The following PDLIM2 variants were observed in gnomAD, a reference collection of about 807,000 sequenced individuals.
The protein encoded by PDLIM2 is PDZ and LIM domain protein 2.
In PDLIM2, 51 loss-of-function variants were observed where a neutral mutation model predicts 54.1. The ratio of observed to expected loss-of-function variants is 0.94; its 90% CI spans 0.75 to 1.19. PDLIM2 has a LOEUF of 1.19. Among genes scored for constraint, PDLIM2 ranks in the 50% most tolerant of loss-of-function variants. The pLI, the probability that PDLIM2 is intolerant of heterozygous loss-of-function variation, is 0.00. For synonymous variants in PDLIM2, 398 were observed against 385.6 expected, an observed-to-expected ratio of 1.03 and a Z score of -0.38; for missense variants, 912 against 874.0, an observed-to-expected ratio of 1.04 and a Z score of -0.55.
intron 8 of PDLIM2, chr8:22,591,207 C>T (rs1268123367): frequency 3.2e-6 from 1 of 312,520 alleles, no homozygotes. Flanking sequence ...GAAAGCCACA[C>T]CGAGGCATTG....
intron 1 of PDLIM2, chr8:22,580,581 C>A: frequency 6.2e-7 from 1 of 1,613,890 alleles, no homozygotes; most frequent in Non-Finnish European, 8.5e-7. Flanking sequence ...TGGACTTCAC[C>A]TCCTGGTCCT....
At chr8:22,579,173 T>C in exon 1 of PDLIM2, 2 of 1,362,196 alleles carry the variant, frequency 1.5e-6, no homozygotes, top group Admixed American at 3.3e-5. Flanking sequence ...TCTCCCCGCC[T>C]TCCCTCCCTC....
In PDLIM2 at chr8:22,584,896, C is replaced by G. The variant is rs772780201; in HGVS notation, c.1065+6C>G. The G allele has an allele frequency of 2.4e-5, 39 of 1,614,002 alleles. No homozygotes were observed. Among genetic ancestry groups the G allele is most frequent in the Non-Finnish European group, 3.3e-5 (39 of 1,179,998 alleles). On this transcript the variant is annotated splice_donor_region_variant and intron_variant, in intron 4 of 9. Transcript: ENST00000308354. ...TGCTGGCGACTCGCTTCCAGGTAAG[C>G]TGGTGCCCTCCCCTGACAGCCTCAG... is the stretch of plus-strand genomic sequence containing the variant.
In PDLIM2 at chr8:22,591,694, C is replaced by G. The variant is rs758321441; in HGVS notation, c.1631+26C>G. On this transcript the variant is annotated intron_variant, in intron 9 of 9. Coordinates refer to ENST00000308354, the Ensembl canonical transcript of PDLIM2. ...GTGAGTGTGGAGGGGGGTGGGGGAC[C>G]TGAGCCTTCACAGGGGAGTGGGGAG... The G allele has an allele frequency of 5.7e-6, 9 of 1,584,056 alleles. No homozygotes were observed. In the East Asian group the frequency reaches 1.6e-4, roughly 28 times the overall value.
At chr8:22,597,990 C>T (rs971500484), downstream of PDLIM2, 1 of 152,268 alleles carries the variant, frequency 6.6e-6, no homozygotes, top group African/African-American at 2.4e-5. Context: ...TGGCTGTGGG[C>T]CTCAGTTTCC....
intron 3 of PDLIM2, among the ~76,000 whole-genome samples, chr8:22,581,836 G>A (rs1800214191): frequency 6.6e-6 from 1 of 152,230 alleles, no homozygotes; most frequent in African/African-American, 2.4e-5. Flanking sequence ...GAGTGTGCAG[G>A]GCACAGGGCG....
intron 3 of PDLIM2, among the ~76,000 whole-genome samples, chr8:22,583,830 CA>C (rs1466947004): frequency 9.0e-6 from 1 of 111,412 alleles, no homozygotes; most frequent in Non-Finnish European, 1.7e-5. Context: ...TGAGTGATAT[CA>C]GTGACAAAGT....
At chr8:22,588,945 G>A in intron 6 of PDLIM2, 1 of 381,334 alleles carries the variant, frequency 2.6e-6, no homozygotes, top group Non-Finnish European at 4.7e-6. Context: ...GCCCCAGTGT[G>A]CAATGTCTTT....
rs1409527618 is a variant in PDLIM2, at chr8:22,591,936, C to T, written c.1631+268C>T. 8 of 347,460 alleles carry T rather than the reference C, an allele frequency of 2.3e-5. No individual in the cohort carries two copies. In the East Asian group the frequency reaches 3.1e-4, roughly 13 times the overall value. 21.5% of individuals were successfully genotyped at this position (347,460 alleles called of 1,614,324 possible). The stretch of plus-strand genomic sequence containing the variant: ...GATTTCTCTTTGATCATTTCAAAGC[C>T]TCTGGAGATCTGCCCGGAGGTACAG... On this transcript the variant is annotated intron_variant, in intron 9 of 9. Coordinates refer to ENST00000308354, the Ensembl canonical transcript of PDLIM2.
chr8:22,581,108 C>G (rs988214222), intron 2 of PDLIM2: 4 of 679,804 alleles, frequency 5.9e-6, no homozygotes, highest in South Asian at 1.5e-5. Flanking sequence ...GGCTCTCTAT[C>G]CAAAAGTATT....
exon 10 of PDLIM2, chr8:22,593,847 G>C (rs772697550): frequency 1.8e-5 from 29 of 1,579,174 alleles, no homozygotes; most frequent in Non-Finnish European, 2.5e-5. Context: ...GTGACGAGCT[G>C]TACTGTGAGA....
chr8:22,586,184 A>AG (rs1200857126), intron 6 of PDLIM2, among the ~76,000 whole-genome samples: 1 of 152,158 alleles, frequency 6.6e-6, no homozygotes, highest in Non-Finnish European at 1.5e-5. Context: ...GGGGGTGGCC[A>AG]GGGAGGGCAC....
chr8:22,594,902 G>GGA, downstream of PDLIM2: 5 of 413,268 alleles, frequency 1.2e-5, no homozygotes, highest in East Asian at 4.5e-5. Flanking sequence ...TTCCAGCCTG[G>GGA]GAGAGAGAGA....
chr8:22,591,488 C>A, intron 8 of PDLIM2, 63 bp from the exon 8 acceptor site: 10 of 1,447,220 alleles, frequency 6.9e-6, no homozygotes, highest in Non-Finnish European at 8.8e-6. Context: ...CTCCTCAGAG[C>A]ATCTTTGGGA....
chr8:22,587,291 C>T (rs531976273), intron 6 of PDLIM2, among the ~76,000 whole-genome samples: 3 of 152,080 alleles, frequency 2.0e-5, no homozygotes, highest in Admixed American at 6.5e-5. Context: ...CCAGCTACTC[C>T]GGAGGCTGGG....
exon 5 of PDLIM2, chr8:22,585,073 C>T (rs1800334950): frequency 6.2e-7 from 1 of 1,614,048 alleles, no homozygotes; most frequent in South Asian, 1.1e-5. Context: ...CCTACTCCAG[C>T]CCAACCTCCC....
downstream of PDLIM2, chr8:22,594,533 G>A (rs755565429): frequency 1.2e-6 from 2 of 1,613,980 alleles, no homozygotes; most frequent in South Asian, 1.1e-5. Flanking sequence ...TTTACAGGAG[G>A]ACGCTTGTGC....
At chr8:22,579,100 A>G in exon 1 of PDLIM2, 2 of 1,269,550 alleles carry the variant, frequency 1.6e-6, no homozygotes, top group Non-Finnish European at 2.0e-6. Context: ...GGGCGGAGGC[A>G]GGTCCGGGAG....
chr8:22,592,459 A>C (rs1035100169), intron 9 of PDLIM2: 7 of 152,136 alleles, frequency 4.6e-5, no homozygotes, highest in Non-Finnish European at 1.0e-4. Context: ...ACCCCCCCTC[A>C]GGTAAATTTC....
Sources: allele counts gnomAD v4.1 joint callset (sites outside exome capture counted in the v4.1 genomes callset), GRCh38; gene constraint gnomAD v4.1.1; transcripts MANE v1.5; gene names NCBI Gene and HGNC (gene_info 2026-07-23, HGNC 2026-07-21).